Variants in NOP9 observed in about 807,000 individuals in gnomAD.
NOP9 encodes NOP9 nucleolar protein, also known as nucleolar protein 9.
Under a neutral mutation model 63.0 loss-of-function variants are expected in NOP9, and 50 were observed. The ratio of observed to expected loss-of-function variants is 0.79; its 90% CI spans 0.63 to 1.00. NOP9 has a LOEUF of 1.00. NOP9 is among the 50% of genes least tolerant of loss of function. The probability of loss-of-function intolerance (pLI) is 0.00; values close to 1 mark genes in which losing one functional copy is unlikely to be tolerated. For synonymous variants in NOP9, 343 were observed against 332.8 expected (o/e 1.03, Z -0.33); for missense variants, 758 against 803.0 (o/e 0.94, Z 0.68).
the NOP9 span, among the ~76,000 whole-genome samples, chr14:24,290,131 A>G: frequency 6.6e-6 from 1 of 152,260 alleles, no homozygotes; most frequent in East Asian, 1.9e-4. Flanking sequence ...TATAGGGCTC[A>G]TGCAATTAGT....
the NOP9 span, chr14:24,290,706 G>A: frequency 2.5e-5 from 22 of 882,726 alleles, no homozygotes; most frequent in East Asian, 7.5e-5. Flanking sequence ...GGACCTAGGC[G>A]CACCCCAGAA....
the NOP9 span, among the ~76,000 whole-genome samples, chr14:24,275,662 C>T: frequency 6.6e-6 from 1 of 152,114 alleles, no homozygotes; most frequent in Non-Finnish European, 1.5e-5. Context: ...GGCCACGAGC[C>T]CTGGGTCAGG....
At chr14:24,274,806 C>T in the NOP9 span, among the ~76,000 whole-genome samples, 1 of 151,290 alleles carries the variant, frequency 6.6e-6, no homozygotes, top group South Asian at 2.1e-4. Context: ...GACGGGGTTT[C>T]ACCTTGTTAG....
At chr14:24,293,994 GA>G in the NOP9 span, 1 of 152,188 alleles carries the variant, frequency 6.6e-6, no homozygotes. Flanking sequence ...ATCAGTGGGG[GA>G]AAGTTGGATC....
chr14:24,291,434 A>G, the NOP9 span: 3 of 1,218,550 alleles, frequency 2.5e-6, no homozygotes, highest in Admixed American at 1.7e-5. Context: ...TTGGGCCTCA[A>G]AAAGCAGAGA....
the NOP9 span, chr14:24,290,802 C>A: frequency 2.5e-6 from 4 of 1,604,974 alleles, no homozygotes. Context: ...TGAGACAGGA[C>A]GAACCACCAA....
intron 4 of NOP9, 61 bp from the exon 5 acceptor site, chr14:24,302,171 A>G: frequency 6.2e-7 from 1 of 1,600,060 alleles, no homozygotes. Context: ...GAGGTGATGT[A>G]GTGCAACTGT....
Position 24,307,705 on chromosome 14 carries a change from T to C in NOP9, c.*2610T>C. 7.7e-7 allele frequency: 1 copy of C among 1,297,042 alleles called. No individual in the cohort carries two copies. The highest frequency in any genetic ancestry group is 2.0e-5 in the Admixed American group (1 of 50,016). The allele number at this position is 1,297,042 out of a possible 1,614,324, so 80.3% of individuals were successfully genotyped here. ...GGAGCTTGACAAGCCCACTGTGGAG[T>C]GGGGAGCAGGAGAGGAAGGGGTACT... On this transcript the variant is annotated 3_prime_UTR_variant, in exon 10 of 10. Coordinates refer to ENST00000267425, the MANE Select transcript of NOP9 (RefSeq NM_174913.3).
the NOP9 span, among the ~76,000 whole-genome samples, chr14:24,280,176 G>A: frequency 6.6e-6 from 1 of 152,216 alleles, no homozygotes; most frequent in East Asian, 1.9e-4. Context: ...GCCCTGGGCT[G>A]TTTAATCGAA....
Position 24,307,407 on chromosome 14 carries a change from GCC to G in NOP9, c.*2313_*2314del, listed in dbSNP as rs754899261. 9.3e-6 allele frequency: 15 copies of G among 1,613,810 alleles called. No individual in the cohort carries two copies. Among genetic ancestry groups the G allele is most frequent in the Non-Finnish European group, 1.3e-5 (15 of 1,179,906 alleles). On this transcript the variant is annotated 3_prime_UTR_variant, in exon 10 of 10. Coordinates refer to ENST00000267425, the MANE Select transcript of NOP9 (RefSeq NM_174913.3). Reference sequence around the variant, plus strand: ...GCTCCTGGCGGGTGGCAGCTGTCAGGCCTTTCCGGATGGTCCGCTTGTGATCA... The same window carrying G: ...GCTCCTGGCGGGTGGCAGCTGTCAGGTTTCCGGATGGTCCGCTTGTGATCA...
chr14:24,306,351 C>T lies in NOP9; in HGVS notation c.*1256C>T. 6.2e-7 allele frequency: 1 copy of T among 1,613,972 alleles called. No homozygotes were observed. The highest frequency in any genetic ancestry group is 1.1e-5 in the South Asian group (1 of 91,086). Reference sequence around the variant, plus strand: ...AGCTCTAAAGGACAGGCATTGGAAGCAGCCCCAGTATAGGCCTCTTACCCT... The same window carrying T: ...AGCTCTAAAGGACAGGCATTGGAAGTAGCCCCAGTATAGGCCTCTTACCCT... On this transcript the variant is annotated 3_prime_UTR_variant, in exon 10 of 10. Transcript: ENST00000267425.
the NOP9 span, among the ~76,000 whole-genome samples, chr14:24,286,309 C>T: frequency 1.3e-5 from 2 of 152,240 alleles, no homozygotes; most frequent in Non-Finnish European, 2.9e-5. Flanking sequence ...CTCGTCTGCT[C>T]ACACCTTCAC....
At chr14:24,291,300 C>T in the NOP9 span, 1 of 1,413,464 alleles carries the variant, frequency 7.1e-7, no homozygotes, top group Non-Finnish European at 1.0e-6. Context: ...GGACAGGGCA[C>T]TGCTGAGAGC....
chr14:24,276,141 C>A, the NOP9 span, among the ~76,000 whole-genome samples: 3 of 151,968 alleles, frequency 2.0e-5, no homozygotes, highest in African/African-American at 7.3e-5. Flanking sequence ...CTTTGGGAGG[C>A]CGAGGCAGGC....
rs754509938 is a variant in NOP9, at chr14:24,304,271, C to T, written c.1641C>T (p.Asn547=). The T allele has an allele frequency of 1.2e-6, 2 of 1,613,138 alleles. No individual in the cohort carries two copies. Among genetic ancestry groups the T allele is most frequent in the Non-Finnish European group, 1.7e-6 (2 of 1,179,520 alleles). The change falls in exon 8 of 10, where the codon AAC becomes AAT. Residue 547 remains asparagine (N), a synonymous_variant. Transcript: ENST00000267425. ...TRKLRRRVLQ[N]LKGQYVALAC... ...AGCTGCGCCGCCGTGTGCTGCAGAA[C>T]CTAAAGGTTAGATTTCTGGCTTTTG...
chr14:24,307,333 A>G lies in NOP9; in HGVS notation c.*2238A>G. 1 of 1,586,884 alleles carries G rather than the reference A, an allele frequency of 6.3e-7. No individual in the cohort carries two copies. The highest frequency in any genetic ancestry group is 8.6e-7 in the Non-Finnish European group (1 of 1,164,300). ...GCCACTGTTGTGGAGCCCCTTGGCT[A>G]CCCCTGCTATAGGAACCGAGGAACT... On this transcript the variant is annotated 3_prime_UTR_variant, in exon 10 of 10. Coordinates refer to ENST00000267425, the MANE Select transcript of NOP9 (RefSeq NM_174913.3).
Position 24,300,022 on chromosome 14 carries a change from G to C in NOP9, c.68G>C (p.Arg23Pro). ...TTCCCAGCTGGTGGCAAACGGGGGC[G>C]CGGGGCCAAGGGGTCGGGGCGCCCC... ...RRFPAGGKRG[R>P]GAKGSGRPLP... is the part of the protein sequence containing the mutation. The change falls in exon 1 of 10, where the codon CGC becomes CCC. Residue 23 changes from arginine to proline, a missense_variant. Transcript: ENST00000267425. 1.2e-6 allele frequency: 2 copies of C among 1,601,716 alleles called. No homozygotes were observed. The highest frequency in any genetic ancestry group is 1.7e-6 in the Non-Finnish European group (2 of 1,173,382).
rs200582475 is a variant in NOP9 at position 24,305,946 on chromosome 14, C to A, written c.*851C>A. On this transcript the variant is annotated 3_prime_UTR_variant, in exon 10 of 10. Transcript: ENST00000267425. ...GGCAGTATGACATGTTGATTTCTGACCTGAGTACTTTCTTTGGGCCAAGTC... is the reference window on the plus strand; with the variant it reads ...GGCAGTATGACATGTTGATTTCTGAACTGAGTACTTTCTTTGGGCCAAGTC... 6 of 1,612,488 alleles carry A rather than the reference C, an allele frequency of 3.7e-6. No homozygotes were observed. The Admixed American group carries it at 5.0e-5, about 13-fold the overall frequency.
chr14:24,304,233 T>G lies in NOP9; in HGVS notation c.1603T>G (p.Ser535Ala), dbSNP rs149112413. The G allele has an allele frequency of 1.2e-5, 19 of 1,614,004 alleles. No homozygotes were observed. Among genetic ancestry groups the G allele is most frequent in the Non-Finnish European group, 1.6e-5 (19 of 1,180,032 alleles). ...HVLDAILTSP[S>A]VTRKLRRRVL... ...GCTCGATGCCATCCTGACCAGCCCC[T>G]CTGTGACGCGCAAGCTGCGCCGCCG... The change falls in exon 8 of 10, where the codon TCT (serine) becomes GCT (alanine). Residue 535 changes from serine (S) to alanine (A), a missense_variant. Physicochemically the swap from Ser to Ala is moderately conservative, Grantham distance 99. Transcript: ENST00000267425.
Sources: gnomAD v4.1 joint callset for allele counts (sites outside exome capture counted in the v4.1 genomes callset) on GRCh38, gnomAD v4.1.1 for gene constraint, MANE v1.5 for transcripts, NCBI Gene and HGNC (gene_info 2026-07-23, HGNC 2026-07-21) for gene names.